The following GLDC variants were observed in gnomAD, a reference collection of about 807,000 sequenced individuals.
GLDC encodes the protein glycine dehydrogenase (decarboxylating), mitochondrial.
In GLDC, 104 loss-of-function variants were observed where a neutral mutation model predicts 121.3. The observed-to-expected ratio is 0.86, with a 90% confidence interval of 0.73 to 1.01. The LOEUF (loss-of-function observed/expected upper bound fraction) is 1.01, where lower values mean the gene tolerates loss of function less well. GLDC is among the 50% of genes least tolerant of loss of function. The pLI is 0.00. For missense variants in GLDC, 1,429 were observed against 1,306.6 expected (o/e 1.09, Z -1.44); for synonymous variants, 546 against 480.6 (o/e 1.14, Z -1.78).
At chr9:6,545,744 G>A (rs1333816922) in intron 21 of GLDC, among the ~76,000 whole-genome samples, 1 of 151,882 alleles carries the variant, frequency 6.6e-6, no homozygotes, top group Non-Finnish European at 1.5e-5. Context: ...GGGTTCAAGC[G>A]ATTATTATGC....
At chr9:6,566,147 A>G (rs911589593) in intron 15 of GLDC, among the ~76,000 whole-genome samples, 1 of 152,180 alleles carries the variant, frequency 6.6e-6, no homozygotes, top group Non-Finnish European at 1.5e-5. Flanking sequence ...GCAGGCTGAC[A>G]TGGAAGGATC....
chr9:6,585,957 T>C (rs1818263263), intron 15 of GLDC, among the ~76,000 whole-genome samples: 3 of 152,034 alleles, frequency 2.0e-5, no homozygotes, highest in Admixed American at 2.0e-4. Flanking sequence ...ATCCAGGGGA[T>C]TCCAAATTGA....
At chr9:6,638,494 C>T (rs370138727) in intron 2 of GLDC, among the ~76,000 whole-genome samples, 3 of 152,094 alleles carry the variant, frequency 2.0e-5, no homozygotes, top group African/African-American at 4.8e-5. Flanking sequence ...GGATTATGGG[C>T]GTGAGTCACT....
intron 22 of GLDC, among the ~76,000 whole-genome samples, chr9:6,538,925 C>G (rs1188356298): frequency 6.6e-6 from 1 of 152,212 alleles, no homozygotes; most frequent in South Asian, 2.1e-4. Flanking sequence ...AAGCCTTTCT[C>G]TGGCTTTCCC....
chr9:6,629,788 C>G (rs952014847), intron 2 of GLDC, among the ~76,000 whole-genome samples: 1 of 149,862 alleles, frequency 6.7e-6, no homozygotes, highest in African/African-American at 2.5e-5. Flanking sequence ...ATATATATAC[C>G]CACAATATTG....
At chr9:6,583,810 T>C (rs186647001) in intron 15 of GLDC, among the ~76,000 whole-genome samples, 123 of 152,268 alleles carry the variant, frequency 8.1e-4, no homozygotes, top group African/African-American at 2.6e-3. Context: ...GTTCCTAAAG[T>C]AGTCAAATTC....
At chr9:6,607,529 C>G (rs1205388346) in intron 4 of GLDC, among the ~76,000 whole-genome samples, 2 of 152,054 alleles carry the variant, frequency 1.3e-5, no homozygotes, top group Non-Finnish European at 2.9e-5. Context: ...TTGCAGTGAG[C>G]CAAGATCGCC....
At chr9:6,613,702 T>A (rs1333116001) in intron 3 of GLDC, among the ~76,000 whole-genome samples, 2 of 152,258 alleles carry the variant, frequency 1.3e-5, no homozygotes, top group African/African-American at 2.4e-5. Flanking sequence ...AGCATAATAG[T>A]TAAGATCTTT....
At chr9:6,564,974 G>C (rs1817826747) in intron 16 of GLDC, among the ~76,000 whole-genome samples, 1 of 152,242 alleles carries the variant, frequency 6.6e-6, no homozygotes, top group South Asian at 2.1e-4. Context: ...AGGGGTTACT[G>C]AAGAATTAAA....
intron 2 of GLDC, among the ~76,000 whole-genome samples, chr9:6,630,788 T>C (rs557834950): frequency 3.3e-5 from 5 of 152,238 alleles, no homozygotes; most frequent in East Asian, 1.9e-4. Context: ...AGTCAGAATT[T>C]GGAAGCAGAT....
chr9:6,639,408 A>C (rs979931704), intron 2 of GLDC: 9 of 922,370 alleles, frequency 9.8e-6, no homozygotes, highest in Admixed American at 5.1e-5. Flanking sequence ...CATGAAGAAG[A>C]TGGAAGACAA....
chr9:6,608,514 G>A (rs1818783287), intron 4 of GLDC, among the ~76,000 whole-genome samples: 1 of 150,490 alleles, frequency 6.6e-6, no homozygotes, highest in Non-Finnish European at 1.5e-5. Flanking sequence ...GCCGAGGCGG[G>A]CGGATCATGA....
At chr9:6,623,202 A>C (rs1048286316) in intron 2 of GLDC, 2 of 176,740 alleles carry the variant, frequency 1.1e-5, no homozygotes, top group Non-Finnish European at 2.2e-5. Context: ...AAGATTGAGA[A>C]ATCGGATGGT....
chr9:6,600,475 G>C (rs540863950), intron 8 of GLDC, among the ~76,000 whole-genome samples: 3 of 151,980 alleles, frequency 2.0e-5, no homozygotes, highest in Admixed American at 1.3e-4. Flanking sequence ...TCAGGCGTTT[G>C]AGACCAGCCT....
At chr9:6,609,576 G>A (rs1039906501) in intron 4 of GLDC, among the ~76,000 whole-genome samples, 2 of 152,070 alleles carry the variant, frequency 1.3e-5, no homozygotes, top group South Asian at 2.1e-4. Context: ...GTGTTATGGG[G>A]GAGATCCTCA....
chr9:6,644,786 G>C (rs1294150659), intron 1 of GLDC, 94 bp from the exon 2 acceptor site: 3 of 831,844 alleles, frequency 3.6e-6, no homozygotes, highest in Non-Finnish European at 6.3e-6. Context: ...GAACCTCATT[G>C]AAATCGCCTA....
intron 15 of GLDC, among the ~76,000 whole-genome samples, chr9:6,580,890 C>T (rs1387816823): frequency 6.6e-6 from 1 of 152,202 alleles, no homozygotes; most frequent in East Asian, 1.9e-4. Flanking sequence ...TTGCCAAAGG[C>T]CATGCCTACT....
intron 21 of GLDC, among the ~76,000 whole-genome samples, chr9:6,547,141 C>T (rs1563832068): frequency 6.6e-6 from 1 of 151,980 alleles, no homozygotes; most frequent in Non-Finnish European, 1.5e-5. Flanking sequence ...CCAACACACC[C>T]GGCTGCTACT....
chr9:6,618,626 T>C (rs1203279232), intron 3 of GLDC, among the ~76,000 whole-genome samples: 2 of 152,074 alleles, frequency 1.3e-5, no homozygotes, highest in Non-Finnish European at 2.9e-5. Context: ...CTTTACATCA[T>C]ACAGCAAACA....
Sources: allele counts gnomAD v4.1 joint callset (sites outside exome capture counted in the v4.1 genomes callset), GRCh38; gene constraint gnomAD v4.1.1; transcripts MANE v1.5; gene names NCBI Gene and HGNC (gene_info 2026-07-23, HGNC 2026-07-21).